Variants in MGA observed in about 807,000 individuals in gnomAD.
The protein encoded by MGA is MAX dimerization protein MGA.
In MGA, 40 loss-of-function variants were observed where a neutral mutation model predicts 261.1. That is an observed-to-expected ratio of 0.15 (90% CI 0.12 to 0.20). The LOEUF (loss-of-function observed/expected upper bound fraction) is 0.20. MGA is among the 10% of genes least tolerant of loss of function. The pLI is 1.00. For missense variants in MGA, 3,397 were observed against 3,630.5 expected, an observed-to-expected ratio of 0.94 and a Z score of 1.65; for synonymous variants, 1,302 against 1,290.6, an observed-to-expected ratio of 1.01 and a Z score of -0.19.
chr15:41,625,606 C>G (rs966271472), intron 1 of MGA, among the ~76,000 whole-genome samples: 2 of 152,056 alleles, frequency 1.3e-5, no homozygotes, highest in Non-Finnish European at 2.9e-5. Flanking sequence ...CCTAGCTACT[C>G]AGGAGGCTGA....
chr15:41,719,783 G>A (rs571452622), intron 9 of MGA, among the ~76,000 whole-genome samples: 4 of 152,176 alleles, frequency 2.6e-5, no homozygotes, highest in Middle Eastern at 6.8e-3. Flanking sequence ...GACATCATAT[G>A]TTGTAATTAG....
chr15:41,760,619 G>A (rs2063398585), intron 20 of MGA, 90 bp downstream of exon 20: 4 of 1,277,388 alleles, frequency 3.1e-6, no homozygotes, highest in South Asian at 1.3e-5. Context: ...ATATAAGGGA[G>A]ATTGAAATAG....
chr15:41,726,665 G>T (rs1484640411), intron 9 of MGA, among the ~76,000 whole-genome samples: 2 of 151,448 alleles, frequency 1.3e-5, no homozygotes, highest in Non-Finnish European at 2.9e-5. Flanking sequence ...GGAGGCAGAG[G>T]TTGCCATGAG....
chr15:41,758,983 A>G (rs1266519580), intron 19 of MGA, among the ~76,000 whole-genome samples: 1 of 152,202 alleles, frequency 6.6e-6, no homozygotes, highest in African/African-American at 2.4e-5. Context: ...AAAATATAGA[A>G]GACTTAATTT....
chr15:41,672,076 C>T (rs368422164), intron 2 of MGA, among the ~76,000 whole-genome samples: 12 of 152,102 alleles, frequency 7.9e-5, no homozygotes, highest in East Asian at 3.8e-4. Flanking sequence ...TTTATTGTAC[C>T]GTTGGATGAT....
intron 9 of MGA, among the ~76,000 whole-genome samples, chr15:41,720,975 CTT>C (rs2060909660): frequency 6.6e-6 from 1 of 152,124 alleles, no homozygotes; most frequent in South Asian, 2.1e-4. Context: ...AAAATAGAAA[CTT>C]TATTCGTTTC....
intron 19 of MGA, among the ~76,000 whole-genome samples, chr15:41,758,667 A>G (rs1019269131): frequency 3.3e-5 from 5 of 152,142 alleles, no homozygotes; most frequent in African/African-American, 2.4e-5. Context: ...GCACTTTGCT[A>G]TATTTAATGT....
chr15:41,660,084 G>C (rs1040664442), upstream of MGA, among the ~76,000 whole-genome samples: 1 of 152,256 alleles, frequency 6.6e-6, no homozygotes, highest in Admixed American at 6.5e-5. Flanking sequence ...AGGGTGAAAG[G>C]CACAGTTGAG....
intron 5 of MGA, among the ~76,000 whole-genome samples, chr15:41,700,740 T>C (rs1424327643): frequency 6.6e-6 from 1 of 152,220 alleles, no homozygotes; most frequent in Non-Finnish European, 1.5e-5. Context: ...TGAAAAATTT[T>C]AGGCTGTGCC....
At chr15:41,625,214 A>G (rs1170730285) in intron 1 of MGA, among the ~76,000 whole-genome samples, 1 of 152,196 alleles carries the variant, frequency 6.6e-6, no homozygotes, top group Non-Finnish European at 1.5e-5. Context: ...GATGACAAAG[A>G]TTGATACAGT....
In MGA at chr15:41,748,587, G is replaced by T. The variant is rs773930665; in HGVS notation, c.5213-50G>T. 2.2e-5 allele frequency: 34 copies of T among 1,554,428 alleles called. No homozygotes were observed. In the Admixed American group the frequency reaches 2.2e-4, roughly 10 times the overall value. ...TATTATGAATACTTTTTTTTCCTAC[G>T]TGTGTTAAAGGGGAATTTGGGTACC... is the stretch of plus-strand genomic sequence containing the variant. On this transcript the variant is annotated intron_variant, in intron 15 of 23. Coordinates refer to ENST00000219905, the MANE Select transcript of MGA (RefSeq NM_001164273.2).
At chr15:41,701,074 T>C (rs1049618320) in intron 5 of MGA, among the ~76,000 whole-genome samples, 1 of 152,242 alleles carries the variant, frequency 6.6e-6, no homozygotes, top group Non-Finnish European at 1.5e-5. Flanking sequence ...TAATAGACAG[T>C]CACATCATAG....
chr15:41,642,010 G>T (rs1029428601), intron 1 of MGA, among the ~76,000 whole-genome samples: 9 of 151,964 alleles, frequency 5.9e-5, no homozygotes, highest in Non-Finnish European at 1.0e-4. Flanking sequence ...TGCCCAGACT[G>T]GTCTCCCGCT....
At chr15:41,686,707 C>T (rs1339154030) in intron 2 of MGA, among the ~76,000 whole-genome samples, 1 of 152,056 alleles carries the variant, frequency 6.6e-6, no homozygotes, top group Non-Finnish European at 1.5e-5. Context: ...TGAATTTCAT[C>T]AAATGATTTT....
upstream of MGA, among the ~76,000 whole-genome samples, chr15:41,658,609 G>A (rs75591760): frequency 4.6e-5 from 7 of 151,584 alleles, no homozygotes; most frequent in Non-Finnish European, 1.0e-4. Context: ...GACATCTCCC[G>A]ACCTCTCTAG....
In MGA at chr15:41,631,634, C is replaced by T. The variant is rs187919658; in HGVS notation, c.-68+10336C>T. The stretch of plus-strand genomic sequence containing the variant: ...TATGTGTAGGTTCCTCCTCCGCATA[C>T]TTTGTCTTTCCACTTAAAGGGGTGG... On this transcript the variant is annotated intron_variant, in intron 1 of 8. Transcript: ENST00000566718. 2.4e-3 allele frequency among the ~76,000 whole-genome samples: 360 copies of T among 152,234 alleles called. 1 individual carries two copies. The highest frequency in any genetic ancestry group is 8.3e-3 in the African/African-American group (345 of 41,558).
At chr15:41,718,880 T>C (rs1249660582) in intron 9 of MGA, among the ~76,000 whole-genome samples, 1 of 152,204 alleles carries the variant, frequency 6.6e-6, no homozygotes, top group African/African-American at 2.4e-5. Flanking sequence ...TTACCACTTC[T>C]GTTTAACGTT....
In MGA at chr15:41,713,789, T is replaced by C. The variant is rs1595834516; in HGVS notation, c.3430+293T>C. On this transcript the variant is annotated intron_variant, in intron 9 of 23. Transcript: ENST00000219905. ...TTTGAGTTTCTTCCATTTTCTGGAT[T>C]GTGCGCATGTGCACACACACACAGG... Among the ~76,000 whole-genome samples, 3 of 152,350 alleles carry C rather than the reference T, an allele frequency of 2.0e-5. 1 individual carries two copies. Among genetic ancestry groups the C allele is most frequent in the Admixed American group, 2.0e-4 (3 of 15,298 alleles).
intron 12 of MGA, among the ~76,000 whole-genome samples, chr15:41,735,171 A>G (rs747047021): frequency 6.6e-6 from 1 of 152,144 alleles, no homozygotes; most frequent in Non-Finnish European, 1.5e-5. Context: ...TAAGTGGAGG[A>G]GGCTACTAGG....
Sources: gnomAD v4.1 joint callset for allele counts (sites outside exome capture counted in the v4.1 genomes callset) on GRCh38, gnomAD v4.1.1 for gene constraint, MANE v1.5 for transcripts, NCBI Gene and HGNC (gene_info 2026-07-23, HGNC 2026-07-21) for gene names.